HECTD2: variants seen among roughly 807,000 people sequenced by gnomAD.
HECTD2 encodes HECT domain E3 ubiquitin protein ligase 2, also known as probable E3 ubiquitin-protein ligase HECTD2.
HECTD2 carries 35 observed loss-of-function variants against 103.2 expected under a neutral mutation model. That is an observed-to-expected ratio of 0.34 (90% CI 0.26 to 0.45). The LOEUF (loss-of-function observed/expected upper bound fraction) is 0.45. HECTD2 is among the 20% of genes least tolerant of loss of function. The probability of loss-of-function intolerance (pLI) is 1.00; values close to 1 mark genes in which losing one functional copy is unlikely to be tolerated. For missense variants in HECTD2, 596 were observed against 937.4 expected (o/e 0.64, Z 4.76); for synonymous variants, 281 against 329.9 (o/e 0.85, Z 1.61).
At chr10:91,418,701 A>G (rs1159783001) in intron 1 of HECTD2, among the ~76,000 whole-genome samples, 2 of 152,164 alleles carry the variant, frequency 1.3e-5, no homozygotes, top group South Asian at 2.1e-4. Flanking sequence ...GAAACAAAAT[A>G]TCTTTACCCA....
chr10:91,461,659 G>A (rs1845355020), intron 4 of HECTD2, among the ~76,000 whole-genome samples: 1 of 151,866 alleles, frequency 6.6e-6, no homozygotes, highest in African/African-American at 2.4e-5. Flanking sequence ...TGCAATTCTT[G>A]TGCCTCAGCC....
intron 5 of HECTD2, among the ~76,000 whole-genome samples, chr10:91,476,015 C>T (rs1285125436): frequency 6.6e-6 from 1 of 152,146 alleles, no homozygotes. Context: ...GCAAAGGAGT[C>T]TAGTTGATAC....
At chr10:91,494,751 T>C (rs370775322) in intron 14 of HECTD2, among the ~76,000 whole-genome samples, 14 of 152,188 alleles carry the variant, frequency 9.2e-5, no homozygotes, top group South Asian at 6.2e-4. Flanking sequence ...TGTTGAATGT[T>C]TCATCTTCAT....
intron 11 of HECTD2, chr10:91,489,988 G>A: frequency 6.6e-6 from 1 of 152,112 alleles, no homozygotes; most frequent in East Asian, 1.9e-4. Context: ...ATAAGCCTGT[G>A]GATTTTATAT....
intron 20 of HECTD2, among the ~76,000 whole-genome samples, chr10:91,507,275 G>A (rs533085915): frequency 5.9e-4 from 89 of 150,682 alleles, no homozygotes; most frequent in African/African-American, 2.0e-3. Flanking sequence ...TTCTGGCCAG[G>A]GCAATTAGAC....
At chr10:91,478,481 A>T (rs1399792317) in intron 6 of HECTD2, among the ~76,000 whole-genome samples, 1 of 152,196 alleles carries the variant, frequency 6.6e-6, no homozygotes, top group Non-Finnish European at 1.5e-5. Context: ...GCATAAAAAG[A>T]TCTGTGAATT....
At chr10:91,434,631 T>A (rs553125024) in intron 2 of HECTD2, among the ~76,000 whole-genome samples, 1 of 152,066 alleles carries the variant, frequency 6.6e-6, no homozygotes, top group East Asian at 1.9e-4. Context: ...TGTTCTTCTT[T>A]TTTTGGGACA....
intron 1 of HECTD2, among the ~76,000 whole-genome samples, chr10:91,420,889 C>G (rs1843332162): frequency 6.6e-6 from 1 of 152,198 alleles, no homozygotes; most frequent in South Asian, 2.1e-4. Flanking sequence ...GTGCCTACCT[C>G]AGCTCTAGTC....
At chr10:91,424,830 A>G (rs1472317593) in intron 1 of HECTD2, among the ~76,000 whole-genome samples, 2 of 152,098 alleles carry the variant, frequency 1.3e-5, no homozygotes, top group Non-Finnish European at 2.9e-5. Flanking sequence ...GTAAAGTTGC[A>G]TCAAATGAGA....
At chr10:91,415,778 T>G (rs1216290844) in intron 1 of HECTD2, among the ~76,000 whole-genome samples, 1 of 152,182 alleles carries the variant, frequency 6.6e-6, no homozygotes, top group Non-Finnish European at 1.5e-5. Flanking sequence ...GTTCAGATAT[T>G]TGTTACTAGA....
intron 2 of HECTD2, among the ~76,000 whole-genome samples, chr10:91,449,385 G>A (rs1413806848): frequency 6.6e-6 from 1 of 151,962 alleles, no homozygotes; most frequent in African/African-American, 2.4e-5. Flanking sequence ...GGTATTGATG[G>A]AGTGTTTCTC....
intron 1 of HECTD2, among the ~76,000 whole-genome samples, chr10:91,411,573 C>T (rs1381394599): frequency 6.6e-6 from 1 of 152,186 alleles, no homozygotes; most frequent in Non-Finnish European, 1.5e-5. Flanking sequence ...ACTAAAATAG[C>T]TCACTCTTCG....
chr10:91,456,060 T>A (rs1286796343), intron 2 of HECTD2, among the ~76,000 whole-genome samples: 1 of 152,172 alleles, frequency 6.6e-6, no homozygotes, highest in Non-Finnish European at 1.5e-5. Context: ...ATGCGGGCTG[T>A]TTTTTGGTTC....
chr10:91,510,353 CAA>C (rs1470030129), intron 20 of HECTD2, among the ~76,000 whole-genome samples: 1 of 152,200 alleles, frequency 6.6e-6, no homozygotes, highest in Non-Finnish European at 1.5e-5. Context: ...GCAAATCATC[CAA>C]AGAGTCAGGC....
At chr10:91,433,034 G>A (rs1843958785) in intron 2 of HECTD2, among the ~76,000 whole-genome samples, 1 of 151,934 alleles carries the variant, frequency 6.6e-6, no homozygotes. Flanking sequence ...GGAAAGCAAA[G>A]GACTTGCCAC....
At chr10:91,423,159 G>C (rs1843423802) in intron 1 of HECTD2, among the ~76,000 whole-genome samples, 1 of 152,100 alleles carries the variant, frequency 6.6e-6, no homozygotes, top group Admixed American at 6.6e-5. Flanking sequence ...CACATGTTAA[G>C]CCCTTAATTA....
chr10:91,462,564 G>A, intron 5 of HECTD2: 1 of 1,030,954 alleles, frequency 9.7e-7, no homozygotes, highest in Non-Finnish European at 1.2e-6. Context: ...TTCAGATTCA[G>A]TAGGTCTTGG....
intron 18 of HECTD2, among the ~76,000 whole-genome samples, chr10:91,500,152 G>A (rs1846841614): frequency 1.3e-5 from 2 of 152,188 alleles, no homozygotes; most frequent in South Asian, 2.1e-4. Flanking sequence ...CACAGGAGGT[G>A]TTATGGGATA....
intron 18 of HECTD2, among the ~76,000 whole-genome samples, chr10:91,499,624 G>T (rs1846815157): frequency 6.6e-6 from 1 of 152,126 alleles, no homozygotes; most frequent in Non-Finnish European, 1.5e-5. Context: ...GACTCAGTTT[G>T]GTCTGACTTG....
Sources: allele counts gnomAD v4.1 joint callset (sites outside exome capture counted in the v4.1 genomes callset), GRCh38; gene constraint gnomAD v4.1.1; transcripts MANE v1.5; gene names NCBI Gene and HGNC (gene_info 2026-07-23, HGNC 2026-07-21).